Variants in HIVEP3 observed in about 807,000 individuals in gnomAD.
HIVEP3 encodes the protein HIVEP zinc finger 3.
In HIVEP3, 49 loss-of-function variants were observed where a neutral mutation model predicts 152.8. The observed-to-expected ratio is 0.32, with a 90% CI of 0.26 to 0.41. HIVEP3 has a LOEUF of 0.41. Among genes scored for constraint, HIVEP3 ranks in the 10% least tolerant of loss-of-function variants. The pLI, the probability that HIVEP3 is intolerant of heterozygous loss-of-function variation, is 1.00. For missense variants in HIVEP3, 2,790 were observed against 3,103.3 expected (o/e 0.90, Z 2.40); for synonymous variants, 1,269 against 1,289.0 (o/e 0.98, Z 0.33).
At chr1:41,739,182 G>A (rs1047031913) in intron 1 of HIVEP3, among the ~76,000 whole-genome samples, 2 of 152,370 alleles carry the variant, frequency 1.3e-5, no homozygotes, top group South Asian at 4.1e-4. Flanking sequence ...GGCCCCAGAC[G>A]GCTGGGGGTT....
intron 1 of HIVEP3, among the ~76,000 whole-genome samples, chr1:41,801,995 C>A (rs1650337273): frequency 6.6e-6 from 1 of 152,194 alleles, no homozygotes; most frequent in South Asian, 2.1e-4. Context: ...CACTATCCAG[C>A]TGCTCTGGGA....
intron 1 of HIVEP3, among the ~76,000 whole-genome samples, chr1:41,717,610 T>C (rs1339969160): frequency 1.3e-5 from 2 of 152,194 alleles, no homozygotes; most frequent in African/African-American, 4.8e-5. Context: ...GCAAAGGCCC[T>C]GAGGCAGGAA....
intron 1 of HIVEP3, among the ~76,000 whole-genome samples, chr1:41,801,962 G>A (rs1650335683): frequency 6.6e-6 from 1 of 152,090 alleles, no homozygotes; most frequent in African/African-American, 2.4e-5. Flanking sequence ...CATACCCTTG[G>A]CCCACAGGTC....
intron 1 of HIVEP3, among the ~76,000 whole-genome samples, chr1:41,893,688 G>A (rs1644482759): frequency 6.6e-6 from 1 of 150,626 alleles, no homozygotes; most frequent in African/African-American, 2.4e-5. Flanking sequence ...AGAGCCTCAG[G>A]TTTATATATA....
In HIVEP3 at chr1:41,508,401, T is replaced by C. The variant is rs1196648465; in HGVS notation, c.*2050A>G. 1 of 152,234 alleles carries C rather than the reference T, an allele frequency of 6.6e-6. No homozygotes were observed. The highest frequency in any genetic ancestry group is 2.4e-5 in the African/African-American group (1 of 41,444). 9.4% of individuals were successfully genotyped at this position (152,234 alleles called of 1,614,324 possible). ...TCTGTCAGGCCACTGTCCAGCAATA[T>C]GGACAGTGTGGTCCAGGCTGGGCTT... is the stretch of plus-strand genomic sequence containing the variant. On this transcript the variant is annotated 3_prime_UTR_variant, in exon 9 of 9. Transcript: ENST00000372583.
chr1:41,530,979 A>G (rs1342446255), intron 5 of HIVEP3, among the ~76,000 whole-genome samples: 3 of 152,204 alleles, frequency 2.0e-5, no homozygotes, highest in East Asian at 1.9e-4. Context: ...GCTGGGGAAC[A>G]CGAGGGAGGA....
chr1:41,627,045 A>G (rs1459730509), intron 3 of HIVEP3, among the ~76,000 whole-genome samples: 1 of 152,194 alleles, frequency 6.6e-6, no homozygotes, highest in Non-Finnish European at 1.5e-5. Context: ...AGTACCAACC[A>G]TGTGGGCAGC....
intron 1 of HIVEP3, among the ~76,000 whole-genome samples, chr1:41,820,329 C>G (rs1448427563): frequency 1.3e-5 from 2 of 152,178 alleles, no homozygotes; most frequent in Non-Finnish European, 2.9e-5. Flanking sequence ...ATGCAGTGAT[C>G]TGTTTTATCC....
chr1:41,787,893 G>A (rs974089238), intron 1 of HIVEP3, among the ~76,000 whole-genome samples: 1 of 152,126 alleles, frequency 6.6e-6, no homozygotes, highest in African/African-American at 2.4e-5. Flanking sequence ...CAGAGATAGT[G>A]AAAGAAATAT....
intron 1 of HIVEP3, among the ~76,000 whole-genome samples, chr1:41,721,463 C>T (rs1646673512): frequency 6.6e-6 from 1 of 152,174 alleles, no homozygotes; most frequent in South Asian, 2.1e-4. Flanking sequence ...ACCTCGGCCT[C>T]CCAAAGTGCT....
rs1028972509 is a variant in HIVEP3, at chr1:41,506,883, C to G, written c.*3568G>C. The G allele has an allele frequency of 6.4e-5, 7 of 108,770 alleles. No homozygotes were observed. The highest frequency in any genetic ancestry group is 4.0e-4 in the South Asian group (1 of 2,528). 6.7% of individuals were successfully genotyped at this position (108,770 alleles called of 1,614,324 possible). On this transcript the variant is annotated 3_prime_UTR_variant, in exon 9 of 9. Coordinates refer to ENST00000372583, the MANE Select transcript of HIVEP3 (RefSeq NM_024503.5). ...GCATTGTATTTTACATTTGCCTGCA[C>G]GTTTCTTTTTTCTGTTTCTTTTCTT...
intron 1 of HIVEP3, among the ~76,000 whole-genome samples, chr1:41,782,534 C>T (rs969249714): frequency 3.9e-5 from 6 of 152,118 alleles, no homozygotes; most frequent in African/African-American, 1.4e-4. Context: ...GAGTTCAAGA[C>T]AAGCCTGGCC....
intron 5 of HIVEP3, among the ~76,000 whole-genome samples, chr1:41,556,101 C>T (rs1346756620): frequency 1.3e-5 from 2 of 152,156 alleles, no homozygotes; most frequent in African/African-American, 2.4e-5. Context: ...CACAGGTGTA[C>T]AAATATCTGA....
chr1:41,758,689 CA>C, intron 1 of HIVEP3, among the ~76,000 whole-genome samples: 1 of 152,310 alleles, frequency 6.6e-6, no homozygotes, highest in East Asian at 1.9e-4. Flanking sequence ...AACCTCCAGG[CA>C]GTGGGCATAA....
chr1:41,587,276 T>C (rs932898551), intron 3 of HIVEP3, among the ~76,000 whole-genome samples: 2 of 152,224 alleles, frequency 1.3e-5, no homozygotes, highest in African/African-American at 4.8e-5. Flanking sequence ...GATTGATATT[T>C]GTCAATGAAA....
intron 1 of HIVEP3, among the ~76,000 whole-genome samples, chr1:41,778,343 G>A (rs548822402): frequency 2.0e-5 from 3 of 152,254 alleles, no homozygotes; most frequent in South Asian, 4.1e-4. Context: ...TGTAGTTCAG[G>A]TGGCTCTCCA....
intron 1 of HIVEP3, among the ~76,000 whole-genome samples, chr1:41,782,801 C>A (rs1649128784): frequency 6.6e-6 from 1 of 150,834 alleles, no homozygotes; most frequent in Non-Finnish European, 1.5e-5. Context: ...AGAAAAGTGA[C>A]TACAGAGGAG....
chr1:41,627,312 T>G (rs1256473666), intron 3 of HIVEP3, among the ~76,000 whole-genome samples: 1 of 152,060 alleles, frequency 6.6e-6, no homozygotes, highest in African/African-American at 2.4e-5. Flanking sequence ...TGAGGCAGAG[T>G]TGGAGCAATT....
chr1:41,985,843 T>A (rs1299555271), intron 1 of HIVEP3, among the ~76,000 whole-genome samples: 1 of 152,142 alleles, frequency 6.6e-6, no homozygotes, highest in Non-Finnish European at 1.5e-5. Flanking sequence ...ATGGAGTAGA[T>A]TTGACTCCTA....
Sources: gnomAD v4.1 joint callset for allele counts (sites outside exome capture counted in the v4.1 genomes callset) on GRCh38, gnomAD v4.1.1 for gene constraint, MANE v1.5 for transcripts, NCBI Gene and HGNC (gene_info 2026-07-23, HGNC 2026-07-21) for gene names.